The following TMEM74 variants were observed in gnomAD, a reference collection of about 807,000 sequenced individuals.
The protein encoded by TMEM74 is transmembrane protein 74.
Under a neutral mutation model 18.1 loss-of-function variants are expected in TMEM74, and 13 were observed. The observed-to-expected ratio is 0.72, with a 90% CI of 0.47 to 1.14. The LOEUF (loss-of-function observed/expected upper bound fraction) is 1.14. Among genes scored for constraint, TMEM74 ranks in the 50% most tolerant of loss-of-function variants. The pLI is 0.00. For synonymous variants in TMEM74, 159 were observed against 146.6 expected, an observed-to-expected ratio of 1.08 and a Z score of -0.61; for missense variants, 372 against 375.9, an observed-to-expected ratio of 0.99 and a Z score of 0.09.
intron 1 of TMEM74, among the ~76,000 whole-genome samples, chr8:108,695,953 G>A (rs1813278025): frequency 6.6e-6 from 1 of 152,130 alleles, no homozygotes; most frequent in Admixed American, 6.5e-5. Flanking sequence ...TCTGCCCTCT[G>A]CTGTTAAATC....
At chr8:108,683,140 C>G (rs1476296495) in intron 1 of TMEM74, among the ~76,000 whole-genome samples, 1 of 151,694 alleles carries the variant, frequency 6.6e-6, no homozygotes, top group East Asian at 1.9e-4. Flanking sequence ...ATATAAATAA[C>G]CATACTGAAG....
intron 1 of TMEM74, among the ~76,000 whole-genome samples, chr8:108,705,327 T>C (rs1044702154): frequency 1.3e-5 from 2 of 152,204 alleles, no homozygotes; most frequent in African/African-American, 4.8e-5. Flanking sequence ...AACAACGCCT[T>C]GAAGTCTGTT....
intron 1 of TMEM74, among the ~76,000 whole-genome samples, chr8:108,680,024 T>C (rs1034039669): frequency 4.6e-5 from 7 of 152,088 alleles, no homozygotes; most frequent in African/African-American, 1.4e-4. Context: ...AAAAACAGGC[T>C]CTGAAATTGT....
chr8:108,717,043 G>A (rs943971833), intron 1 of TMEM74, among the ~76,000 whole-genome samples: 1 of 151,880 alleles, frequency 6.6e-6, no homozygotes, highest in African/African-American at 2.4e-5. Context: ...TCCAGAACAT[G>A]GGAAATATTA....
At chr8:108,613,512 A>G (rs1368771809) in intron 2 of TMEM74, among the ~76,000 whole-genome samples, 1 of 152,234 alleles carries the variant, frequency 6.6e-6, no homozygotes, top group African/African-American at 2.4e-5. Context: ...GGCTCTGGGT[A>G]TTTTGTGAAT....
intron 2 of TMEM74, among the ~76,000 whole-genome samples, chr8:108,626,045 T>C (rs1386288828): frequency 5.3e-5 from 8 of 152,036 alleles, no homozygotes; most frequent in Admixed American, 5.3e-4. Context: ...ATTGGGATTA[T>C]TTCTATTAAA....
chr8:108,703,184 C>A (rs1456988511), intron 1 of TMEM74, among the ~76,000 whole-genome samples: 1 of 152,108 alleles, frequency 6.6e-6, no homozygotes, highest in African/African-American at 2.4e-5. Flanking sequence ...TCAAGGCTAC[C>A]CTTAAGGAAG....
At chr8:108,664,486 G>T (rs1812930417) in intron 1 of TMEM74, among the ~76,000 whole-genome samples, 1 of 152,066 alleles carries the variant, frequency 6.6e-6, no homozygotes, top group African/African-American at 2.4e-5. Context: ...CATTGATTTT[G>T]TATCTCAAGA....
chr8:108,674,493 T>C (rs1398409826), intron 1 of TMEM74, among the ~76,000 whole-genome samples: 3 of 152,176 alleles, frequency 2.0e-5, no homozygotes, highest in Non-Finnish European at 4.4e-5. Flanking sequence ...GATCATTTAG[T>C]GAAAAGTAAT....
chr8:108,640,312 C>G (rs987578311), intron 2 of TMEM74, among the ~76,000 whole-genome samples: 1 of 151,616 alleles, frequency 6.6e-6, no homozygotes, highest in Non-Finnish European at 1.5e-5. Context: ...CAGGGTTTCA[C>G]CATGTTGGCC....
At chr8:108,673,259 G>T (rs143771633) in intron 1 of TMEM74, among the ~76,000 whole-genome samples, 66 of 152,250 alleles carry the variant, frequency 4.3e-4, no homozygotes, top group African/African-American at 1.4e-3. Context: ...TCTTACCAGG[G>T]TAAGATTCTT....
chr8:108,733,544 G>A (rs889469095), intron 1 of TMEM74, among the ~76,000 whole-genome samples: 4 of 152,078 alleles, frequency 2.6e-5, no homozygotes, highest in Admixed American at 1.3e-4. Context: ...TGTTGGAAAT[G>A]TTGCATGTCT....
intron 1 of TMEM74, among the ~76,000 whole-genome samples, chr8:108,766,620 T>A (rs1039163): frequency 2.0e-5 from 3 of 151,816 alleles, no homozygotes; most frequent in Non-Finnish European, 4.4e-5. Context: ...GGTTCTCTAG[T>A]GGGAAGAACA....
chr8:108,778,417 C>T (rs567275235), downstream of TMEM74, among the ~76,000 whole-genome samples: 14 of 152,186 alleles, frequency 9.2e-5, no homozygotes, highest in East Asian at 2.1e-3. Context: ...GGTCATATAG[C>T]GAGAGACTGT....
At chr8:108,721,049 G>A (rs1034425302) in intron 1 of TMEM74, among the ~76,000 whole-genome samples, 1 of 152,162 alleles carries the variant, frequency 6.6e-6, no homozygotes, top group Non-Finnish European at 1.5e-5. Context: ...GATTACAGGC[G>A]TGAGCCACCG....
intron 1 of TMEM74, among the ~76,000 whole-genome samples, chr8:108,668,361 G>A (rs1316607108): frequency 6.6e-6 from 1 of 152,146 alleles, no homozygotes; most frequent in African/African-American, 2.4e-5. Context: ...TCCAGCTAGA[G>A]AAACTATGTT....
intron 1 of TMEM74, among the ~76,000 whole-genome samples, chr8:108,767,862 C>T (rs956026872): frequency 1.3e-5 from 2 of 151,608 alleles, no homozygotes; most frequent in African/African-American, 4.9e-5. Context: ...AATATAGTGA[C>T]CATATACCGT....
intron 1 of TMEM74, among the ~76,000 whole-genome samples, chr8:108,711,490 C>A (rs139517081): frequency 1.6e-4 from 25 of 152,270 alleles, no homozygotes; most frequent in African/African-American, 5.5e-4. Context: ...TTCTTCTCAG[C>A]AATTTTGGTT....
rs111972957 is a variant in TMEM74, at chr8:108,781,312, C to T, written c.*2869G>A. On this transcript the variant is annotated 3_prime_UTR_variant, in exon 2 of 2. Transcript: ENST00000297459. ...GACCAAAACTATAGGTATTGTATGCCCAATGTCTATAGAATGCATCACCTG... is the reference window on the plus strand; with the variant it reads ...GACCAAAACTATAGGTATTGTATGCTCAATGTCTATAGAATGCATCACCTG... 2.0e-3 allele frequency among the ~76,000 whole-genome samples: 309 copies of T among 152,216 alleles called. No individual in the cohort carries two copies. Among genetic ancestry groups the T allele is most frequent in the African/African-American group, 7.1e-3 (293 of 41,554 alleles).
Sources: gnomAD v4.1 joint callset for allele counts (sites outside exome capture counted in the v4.1 genomes callset) on GRCh38, gnomAD v4.1.1 for gene constraint, MANE v1.5 for transcripts, NCBI Gene and HGNC (gene_info 2026-07-23, HGNC 2026-07-21) for gene names.